The following RELN variants were observed in gnomAD, a reference collection of about 807,000 sequenced individuals.
RELN encodes reelin.
A neutral mutation model predicts 427.6 loss-of-function variants in RELN; 108 were observed. The ratio of observed to expected loss-of-function variants is 0.25; its 90% CI spans 0.22 to 0.30. The LOEUF (loss-of-function observed/expected upper bound fraction) is 0.30. RELN is among the 10% of genes least tolerant of loss of function. The probability of loss-of-function intolerance (pLI) is 1.00; values close to 1 mark genes in which losing one functional copy is unlikely to be tolerated. For synonymous variants in RELN, 1,524 were observed against 1,513.4 expected (o/e 1.01, Z -0.16); for missense variants, 3,715 against 4,302.8 (o/e 0.86, Z 3.82).
intron 50 of RELN, chr7:103,512,688 A>G (rs1829457358): frequency 6.6e-6 from 1 of 152,146 alleles, no homozygotes; most frequent in Non-Finnish European, 1.5e-5. Flanking sequence ...TTTTACATTA[A>G]TTTTATCCCA....
intron 8 of RELN, among the ~76,000 whole-genome samples, chr7:103,707,381 A>T (rs1303180352): frequency 6.6e-6 from 1 of 152,200 alleles, no homozygotes; most frequent in Non-Finnish European, 1.5e-5. Context: ...TCCCAACTCA[A>T]TTATGTGAAA....
At chr7:103,811,169 G>C (rs1344782690) in intron 3 of RELN, among the ~76,000 whole-genome samples, 1 of 152,182 alleles carries the variant, frequency 6.6e-6, no homozygotes, top group Non-Finnish European at 1.5e-5. Flanking sequence ...TGATGTAGCT[G>C]TTTGTTTATT....
intron 2 of RELN, among the ~76,000 whole-genome samples, chr7:103,915,887 G>C (rs114060546): frequency 1.3e-5 from 2 of 152,112 alleles, no homozygotes; most frequent in Admixed American, 6.5e-5. Context: ...ACTATGACCT[G>C]ACCCTTCCTC....
chr7:103,877,858 C>CTA (rs1243394388), intron 2 of RELN, among the ~76,000 whole-genome samples: 23 of 120,628 alleles, frequency 1.9e-4, no homozygotes, highest in Admixed American at 1.8e-3. Flanking sequence ...CTCTCCCTGC[C>CTA]TTTTTTTTTT....
At chr7:103,969,141 G>C (rs1796713277) in intron 1 of RELN, among the ~76,000 whole-genome samples, 1 of 86,210 alleles carries the variant, frequency 1.2e-5, no homozygotes, top group Non-Finnish European at 2.3e-5. Context: ...ACAGAGGTTT[G>C]CATTTGCAAA....
intron 15 of RELN, among the ~76,000 whole-genome samples, chr7:103,650,613 T>G (rs528054645): frequency 2.6e-5 from 4 of 152,198 alleles, no homozygotes; most frequent in Admixed American, 2.0e-4. Flanking sequence ...TTATATTACT[T>G]AAACATTTTT....
chr7:103,576,709 G>A (rs1327983166), intron 28 of RELN, among the ~76,000 whole-genome samples: 1 of 152,056 alleles, frequency 6.6e-6, no homozygotes, highest in Non-Finnish European at 1.5e-5. Flanking sequence ...ATTCACCTGC[G>A]CCTTCCCTCC....
At chr7:103,614,141 A>G (rs1290073910) in intron 20 of RELN, among the ~76,000 whole-genome samples, 1 of 152,258 alleles carries the variant, frequency 6.6e-6, no homozygotes, top group East Asian at 1.9e-4. Flanking sequence ...ATTACGTAAA[A>G]TAATAGATTA....
At chr7:103,844,623 C>T (rs1213684055) in intron 2 of RELN, among the ~76,000 whole-genome samples, 1 of 152,048 alleles carries the variant, frequency 6.6e-6, no homozygotes, top group Non-Finnish European at 1.5e-5. Context: ...TGGGATTCAG[C>T]CCTGTCAATT....
chr7:103,527,371 T>C (rs1829847419), intron 46 of RELN, among the ~76,000 whole-genome samples: 1 of 152,240 alleles, frequency 6.6e-6, no homozygotes, highest in Non-Finnish European at 1.5e-5. Flanking sequence ...AAGACGACGA[T>C]GACGCCCAGT....
intron 1 of RELN, among the ~76,000 whole-genome samples, chr7:103,931,197 CCT>C (rs1412057879): frequency 6.6e-6 from 1 of 152,118 alleles, no homozygotes; most frequent in African/African-American, 2.4e-5. Flanking sequence ...TCTAGGCTTT[CCT>C]CTGACTCCAC....
At position 103,720,173 on chromosome 7, in the gene RELN, T is replaced by TTGTGTGTG. The variant is rs72036005; in HGVS notation, c.805+2959_805+2966dup. 4.4e-4 allele frequency among the ~76,000 whole-genome samples: 64 copies of TTGTGTGTG among 145,668 alleles called. No homozygotes were observed. In the South Asian group the frequency reaches 0.012, roughly 28 times the overall value. Reference sequence around the variant, plus strand: ...AATATATGTATATATTGTATAAACATTGTGTGTGTGTGTGTGTGTGTGTGT... The same window carrying TTGTGTGTG: ...AATATATGTATATATTGTATAAACATTGTGTGTGTGTGTGTGTGTGTGTGTGTGTGTGT... On this transcript the variant is annotated intron_variant, in intron 8 of 64. Coordinates refer to ENST00000428762, the MANE Select transcript of RELN (RefSeq NM_005045.4).
chr7:103,897,216 T>C (rs961184093), intron 2 of RELN, among the ~76,000 whole-genome samples: 5 of 152,098 alleles, frequency 3.3e-5, no homozygotes, highest in Non-Finnish European at 7.4e-5. Context: ...CCAAACCATA[T>C]CAATTACTTC....
chr7:103,940,687 T>C lies in RELN; in HGVS notation c.227-23502A>G, dbSNP rs574449372. Among the ~76,000 whole-genome samples the C allele has an allele frequency of 1.1e-3, 165 of 152,282 alleles. 1 individual carries two copies. Among genetic ancestry groups the C allele is most frequent in the Middle Eastern group, 3.4e-3 (1 of 294 alleles). ...ATATCCCTGATAAAATAACCAAATC[T>C]GAAACCTGAAAGGAACCAAATTGCT... On this transcript the variant is annotated intron_variant, in intron 1 of 64. Transcript: ENST00000428762.
At chr7:103,668,881 G>C in intron 11 of RELN, among the ~76,000 whole-genome samples, 1 of 152,052 alleles carries the variant, frequency 6.6e-6, no homozygotes, top group Non-Finnish European at 1.5e-5. Context: ...ACTCCTTTTT[G>C]ATATCTATCT....
At chr7:103,862,974 T>C (rs1794106817) in intron 2 of RELN, among the ~76,000 whole-genome samples, 1 of 152,106 alleles carries the variant, frequency 6.6e-6, no homozygotes, top group Admixed American at 6.6e-5. Flanking sequence ...CAACAGTTAC[T>C]GGGGGTCAGA....
chr7:103,509,811 A>AC (rs1491152771), intron 51 of RELN, among the ~76,000 whole-genome samples: 1 of 151,448 alleles, frequency 6.6e-6, no homozygotes, highest in Non-Finnish European at 1.5e-5. Flanking sequence ...GAAAAAAAAA[A>AC]CATCAAAAAG....
chr7:103,972,282 T>C (rs1796779674), intron 1 of RELN, among the ~76,000 whole-genome samples: 1 of 152,104 alleles, frequency 6.6e-6, no homozygotes, highest in Non-Finnish European at 1.5e-5. Context: ...GTGGTAGGTA[T>C]AGTTTGATTC....
chr7:103,510,947 A>C lies in RELN; in HGVS notation c.8178T>G (p.Pro2726=). The change falls in exon 51 of 65, where the codon CCT becomes CCG. Residue 2726 remains proline (P), a synonymous_variant. Transcript: ENST00000428762. ...DCTVERFCDS[P]DGVMLCGSHD... ...GACTGCCACAGAGCATCACACCATC[A>C]GGGGAGTCACAGAATCTTTCTACTG... 6.2e-7 allele frequency: 1 copy of C among 1,613,020 alleles called. No individual in the cohort carries two copies.
Sources: allele counts gnomAD v4.1 joint callset (sites outside exome capture counted in the v4.1 genomes callset), GRCh38; gene constraint gnomAD v4.1.1; transcripts MANE v1.5; gene names NCBI Gene and HGNC (gene_info 2026-07-23, HGNC 2026-07-21).